MYRFL: variants seen among roughly 807,000 people sequenced by gnomAD.
The protein encoded by MYRFL is myelin regulatory factor-like protein.
In MYRFL, 88 loss-of-function variants were observed where a neutral mutation model predicts 109.4. That is an observed-to-expected ratio of 0.80 (90% CI 0.68 to 0.96). The LOEUF is 0.96. MYRFL is among the 40% of genes least tolerant of loss of function. MYRFL has a pLI of 0.00. For synonymous variants in MYRFL, 324 were observed against 320.9 expected (o/e 1.01, Z -0.10); for missense variants, 957 against 954.9 (o/e 1.00, Z -0.03).
intron 19 of MYRFL, among the ~76,000 whole-genome samples, chr12:69,947,918 G>A (rs995324713): frequency 1.3e-5 from 2 of 152,168 alleles, no homozygotes; most frequent in Admixed American, 6.5e-5. Flanking sequence ...CTTCTACCAT[G>A]ACAGGAGTAT....
At position 69,910,946 on chromosome 12, in the gene MYRFL, A is replaced by T. The variant is rs1954548254; in HGVS notation, c.1602+16A>T. On this transcript the variant is annotated intron_variant, in intron 13 of 24. Coordinates refer to ENST00000552032, the MANE Select transcript of MYRFL (RefSeq NM_182530.3). ...GGTGGATAAGGTAATCACTGAAAAGATATCAGCTGCTATAAGCTATCAGTC... is the reference window on the plus strand; with the variant it reads ...GGTGGATAAGGTAATCACTGAAAAGTTATCAGCTGCTATAAGCTATCAGTC... The T allele has an allele frequency of 1.3e-6, 2 of 1,503,854 alleles. No individual in the cohort carries two copies. The highest frequency in any genetic ancestry group is 2.0e-5 in the Admixed American group (1 of 50,844). 93.2% of individuals were successfully genotyped at this position (1,503,854 alleles called of 1,614,324 possible). A position where few individuals can be genotyped will look rare whatever the true frequency, so the allele number is the denominator to read the frequency against.
intron 2 of MYRFL, among the ~76,000 whole-genome samples, chr12:69,877,038 T>TC (rs1405764440): frequency 4.1e-5 from 6 of 145,488 alleles, no homozygotes; most frequent in South Asian, 4.5e-4. Context: ...TTTTTTTTTT[T>TC]TTTGAGACGG....
Position 69,936,327 on chromosome 12 carries a change from C to A in MYRFL, c.2036C>A (p.Ser679Tyr), listed in dbSNP as rs777408386. The part of the protein sequence containing the change: ...SQEPALLPTA[S>Y]SSAPNTSLVT... ...GAGCCAGCTCTGCTGCCCACAGCCT[C>A]CTCCTCAGGTAAAGGCTTCACATTC... Residue 679 changes from serine to tyrosine, a missense_variant, in exon 18 of 25, where the codon TCC becomes TAC. Transcript: ENST00000552032. The A allele has an allele frequency of 2.0e-6, 3 of 1,535,996 alleles. No homozygotes were observed. The highest frequency in any genetic ancestry group is 2.6e-6 in the Non-Finnish European group (3 of 1,146,880).
chr12:69,857,920 A>G lies in MYRFL; in HGVS notation c.137+2550A>G, dbSNP rs79714801. On this transcript the variant is annotated intron_variant, in intron 2 of 24. Coordinates refer to ENST00000552032, the MANE Select transcript of MYRFL (RefSeq NM_182530.3). ...TATTGAATAAAGAAATAGTGAGACT[A>G]GACATATTTGCCTTGTCCATGACCT... 5.7e-3 allele frequency among the ~76,000 whole-genome samples: 869 copies of G among 151,938 alleles called. 7 individuals carry two copies. Among genetic ancestry groups the G allele is most frequent in the African/African-American group, 0.02 (829 of 41,540 alleles).
intron 2 of MYRFL, among the ~76,000 whole-genome samples, chr12:69,869,135 G>A (rs1162706123): frequency 6.6e-6 from 1 of 152,216 alleles, no homozygotes; most frequent in Non-Finnish European, 1.5e-5. Context: ...GTTGGAGGAT[G>A]GGGTAAAACA....
chr12:69,910,958 A>G (rs1380823080), intron 13 of MYRFL, 28 bp downstream of exon 13: 1 of 1,469,724 alleles, frequency 6.8e-7, no homozygotes, highest in Admixed American at 2.0e-5. Flanking sequence ...ATCAGCTGCT[A>G]TAAGCTATCA....
rs1592823941 is a variant in MYRFL at position 69,916,382 on chromosome 12, A to G, written c.1602+5452A>G. On this transcript the variant is annotated intron_variant, in intron 13 of 24. Transcript: ENST00000552032. ...TGAGAGGCAAGCAAAAGAAGACATG[A>G]TGGACCTTGGGGACTGAAAGTGTGG... 3.3e-5 allele frequency among the ~76,000 whole-genome samples: 5 copies of G among 152,196 alleles called. No individual in the cohort carries two copies. The South Asian group carries it at 1.0e-3, about 32-fold the overall frequency.
Position 69,890,990 on chromosome 12 carries a change from G to A in MYRFL, c.727G>A (p.Val243Ile). The A allele has an allele frequency of 6.5e-7, 1 of 1,529,348 alleles. No homozygotes were observed. The highest frequency in any genetic ancestry group is 1.7e-4 in the Middle Eastern group (1 of 5,956). The allele number at this position is 1,529,348 out of a possible 1,614,324, so 94.7% of individuals were successfully genotyped here. The change falls in exon 7 of 25, where the codon GTT becomes ATT. Residue 243 changes from valine to isoleucine, a missense_variant. Val to Ile is a conservative substitution (Grantham distance 29). Transcript: ENST00000552032. ...YEKLPDVGYR[V>I]VTDKGFNFSP... ...TCATAGACCTGATGTGGGCTATCGA[G>A]TTGTAACAGACAAAGGATTTAATTT...
At chr12:69,912,088 A>C (rs1226814614) in intron 13 of MYRFL, among the ~76,000 whole-genome samples, 1 of 152,176 alleles carries the variant, frequency 6.6e-6, no homozygotes, top group African/African-American at 2.4e-5. Flanking sequence ...ACTGTACCAC[A>C]AACTCTTAGA....
chr12:69,900,365 T>G (rs990272380), intron 10 of MYRFL, among the ~76,000 whole-genome samples: 5 of 152,200 alleles, frequency 3.3e-5, no homozygotes. Flanking sequence ...CAACAGATCT[T>G]TCTGTCAACT....
At chr12:69,847,741 C>T (rs1013301303) in intron 1 of MYRFL, among the ~76,000 whole-genome samples, 6 of 152,088 alleles carry the variant, frequency 3.9e-5, no homozygotes, top group Admixed American at 1.3e-4. Context: ...ATGATTTTTG[C>T]CCTCATGAAC....
intron 1 of MYRFL, among the ~76,000 whole-genome samples, chr12:69,838,560 T>G (rs1883078279): frequency 6.6e-6 from 1 of 152,256 alleles, no homozygotes; most frequent in Admixed American, 6.5e-5. Context: ...TGGCTAAAGT[T>G]AATGTTGCTT....
chr12:69,841,817 A>G (rs530101122), intron 1 of MYRFL, among the ~76,000 whole-genome samples: 8 of 152,268 alleles, frequency 5.3e-5, no homozygotes, highest in African/African-American at 1.7e-4. Context: ...TTACTGGTCT[A>G]TAAACTTCTT....
At chr12:69,891,674 T>TTTCTTTCG (rs1566002686) in intron 7 of MYRFL, among the ~76,000 whole-genome samples, 4 of 116,484 alleles carry the variant, frequency 3.4e-5, no homozygotes, top group African/African-American at 1.5e-4. Context: ...TCTTTCTTTC[T>TTTCTTTCG]TTCTTTCTTT....
chr12:69,908,185 C>T (rs531209353), intron 11 of MYRFL, among the ~76,000 whole-genome samples: 1 of 152,322 alleles, frequency 6.6e-6, no homozygotes, highest in African/African-American at 2.4e-5. Context: ...GCACCTACAA[C>T]ATGCAAGGAA....
intron 11 of MYRFL, among the ~76,000 whole-genome samples, chr12:69,906,090 A>G (rs1417588810): frequency 6.6e-6 from 1 of 152,236 alleles, no homozygotes; most frequent in Non-Finnish European, 1.5e-5. Flanking sequence ...TAGTGGTCAA[A>G]TATGTTACCT....
chr12:69,923,866 AT>A (rs1277661274), intron 13 of MYRFL, among the ~76,000 whole-genome samples: 1 of 152,030 alleles, frequency 6.6e-6, no homozygotes, highest in East Asian at 1.9e-4. Flanking sequence ...GTTTTTAAAA[AT>A]TTTGTTTATT....
rs1392069473 is a variant in MYRFL, at chr12:69,879,239, G to A, written c.250G>A (p.Ala84Thr). ...TLRPTAGRTP[A>T]PFLHPTAAPA... Reference sequence around the variant, plus strand: ...GAGGCCCACAGCTGGGAGGACTCCAGCTCCTTTTCTCCACCCCACAGCTGC... The same window carrying A: ...GAGGCCCACAGCTGGGAGGACTCCAACTCCTTTTCTCCACCCCACAGCTGC... Residue 84 changes from alanine (A) to threonine (T), a missense_variant, in exon 4 of 25, where the codon GCT (alanine) becomes ACT (threonine). Physicochemically the swap from Ala to Thr is moderately conservative, Grantham distance 58. Transcript: ENST00000552032. 2.8e-6 allele frequency: 2 copies of A among 702,862 alleles called. No homozygotes were observed. Among genetic ancestry groups the A allele is most frequent in the East Asian group, 5.4e-5 (2 of 37,266 alleles). The allele number at this position is 702,862 out of a possible 1,614,324, so 43.5% of individuals were successfully genotyped here.
In MYRFL at chr12:69,880,951, G is replaced by GTTTTTTTTTTTTTTTTT. The variant is rs71094746; in HGVS notation, c.556+661_556+677dup. Among the ~76,000 whole-genome samples the GTTTTTTTTTTTTTTTTT allele has an allele frequency of 1.9e-3, 215 of 112,622 alleles. 11 individuals carry two copies. Among genetic ancestry groups the GTTTTTTTTTTTTTTTTT allele is most frequent in the Non-Finnish European group, 3.2e-3 (178 of 55,758 alleles). 73.9% of individuals were successfully genotyped at this position (112,622 alleles called of 152,430 possible). A position where few individuals can be genotyped will look rare whatever the true frequency, so the allele number is the denominator to read the frequency against. ...TAATGTCCAAGCGGTCAGCCTTCCT[G>GTTTTTTTTTTTTTTTTT]TTTTTTTTTTTTTTTTTTGTCTTAT... On this transcript the variant is annotated intron_variant, in intron 5 of 24. Transcript: ENST00000552032.
Sources: allele counts gnomAD v4.1 joint callset (sites outside exome capture counted in the v4.1 genomes callset), GRCh38; gene constraint gnomAD v4.1.1; transcripts MANE v1.5; gene names NCBI Gene and HGNC (gene_info 2026-07-23, HGNC 2026-07-21).